Variants in FILIP1 observed in about 807,000 individuals in gnomAD.
The protein encoded by FILIP1 is filamin-A-interacting protein 1.
Under a neutral mutation model 102.1 loss-of-function variants are expected in FILIP1, and 61 were observed. That is an observed-to-expected ratio of 0.60 (90% CI 0.49 to 0.74). FILIP1 has a LOEUF of 0.74. Ranked by LOEUF, FILIP1 falls within the 30% of genes least tolerant of loss-of-function variation. The pLI is 0.00. For missense variants in FILIP1, 1,314 were observed against 1,441.2 expected (o/e 0.91, Z 1.43); for synonymous variants, 491 against 526.9 (o/e 0.93, Z 0.93).
In FILIP1 at chr6:75,353,620, AAC is replaced by A; in HGVS notation, c.546_547del (p.Glu182AspfsTer7). On this transcript the variant is annotated frameshift_variant, in exon 4 of 6. Coordinates refer to ENST00000237172, the MANE Select transcript of FILIP1 (RefSeq NM_015687.5). LOFTEE classifies it high-confidence loss of function. The stretch of plus-strand genomic sequence containing the variant: ...AGTGTGTTTATGCTTCTCGTTCTCT[AAC>A]TCGTATACGGTGCGCCTATGACACT... The A allele has an allele frequency of 6.2e-7, 1 of 1,614,194 alleles. No homozygotes were observed. Among genetic ancestry groups the A allele is most frequent in the Middle Eastern group, 1.6e-4 (1 of 6,062 alleles).
At chr6:75,445,385 A>G (rs868396742) in intron 1 of FILIP1, among the ~76,000 whole-genome samples, 1 of 151,806 alleles carries the variant, frequency 6.6e-6, no homozygotes, top group African/African-American at 2.4e-5. Flanking sequence ...TTCCCTAAAC[A>G]CACCACCCTT....
At position 75,362,766 on chromosome 6, in the gene FILIP1, A is replaced by G; in HGVS notation, c.428T>C (p.Val143Ala). Residue 143 changes from valine (V) to alanine (A), a missense_variant, in exon 3 of 6, where the codon GTC (valine) becomes GCC (alanine). Val to Ala is a moderately conservative substitution (Grantham distance 64, BLOSUM62 0). Coordinates refer to ENST00000237172, the MANE Select transcript of FILIP1 (RefSeq NM_015687.5). ...LAQEKSIGEDVYEKPISELDR... is the reference protein window; with the variant it reads ...LAQEKSIGEDAYEKPISELDR... The stretch of plus-strand genomic sequence containing the variant: ...TACCTCTGAAATCGGTTTCTCATAG[A>G]CATCTTCTCCTATGGATTTCTCCTG... 6.2e-7 allele frequency: 1 copy of G among 1,613,330 alleles called. No homozygotes were observed. The highest frequency in any genetic ancestry group is 1.1e-5 in the South Asian group (1 of 91,032).
intron 1 of FILIP1, among the ~76,000 whole-genome samples, chr6:75,473,100 G>A (rs951429940): frequency 1.4e-4 from 21 of 152,128 alleles, no homozygotes; most frequent in Admixed American, 9.2e-4. Flanking sequence ...ATGAAACCAG[G>A]TCTGGCTACT....
chr6:75,493,066 C>G (rs1283631066), intron 1 of FILIP1, among the ~76,000 whole-genome samples: 1 of 152,168 alleles, frequency 6.6e-6, no homozygotes, highest in Non-Finnish European at 1.5e-5. Flanking sequence ...GGGGAGATAT[C>G]CTTTTCATTG....
chr6:75,345,827 T>C (rs1774562550), intron 4 of FILIP1, among the ~76,000 whole-genome samples: 1 of 152,168 alleles, frequency 6.6e-6, no homozygotes, highest in Non-Finnish European at 1.5e-5. Context: ...TGTGTCCATG[T>C]CCTTAAACCT....
At chr6:75,438,547 A>T (rs114507806) in intron 1 of FILIP1, among the ~76,000 whole-genome samples, 7 of 152,168 alleles carry the variant, frequency 4.6e-5, no homozygotes. Context: ...AAAAACTATC[A>T]AATTCACTCT....
At chr6:75,342,800 C>G (rs1490340226) in intron 4 of FILIP1, among the ~76,000 whole-genome samples, 2 of 152,234 alleles carry the variant, frequency 1.3e-5, no homozygotes, top group Admixed American at 1.3e-4. Flanking sequence ...GCTATTTCCA[C>G]AGCCTTTCAA....
rs150195822 is a variant in FILIP1 at position 75,399,661 on chromosome 6, G to A, written c.276+15036C>T. 3.5e-4 allele frequency among the ~76,000 whole-genome samples: 54 copies of A among 152,214 alleles called. No individual in the cohort carries two copies. The East Asian group carries it at 9.1e-3, about 26-fold the overall frequency. Reference sequence around the variant, plus strand: ...CACCTTACAAGGAGGTGCCCTTAACGGAGTTTACTTAAACCCTCTGGGCTT... The same window carrying A: ...CACCTTACAAGGAGGTGCCCTTAACAGAGTTTACTTAAACCCTCTGGGCTT... On this transcript the variant is annotated intron_variant, in intron 2 of 5. Coordinates refer to ENST00000237172, the MANE Select transcript of FILIP1 (RefSeq NM_015687.5).
intron 2 of FILIP1, among the ~76,000 whole-genome samples, chr6:75,411,173 G>A (rs1777055073): frequency 6.6e-6 from 1 of 152,218 alleles, no homozygotes; most frequent in Non-Finnish European, 1.5e-5. Flanking sequence ...AATGACCAGT[G>A]ATGATGAGCT....
intron 1 of FILIP1, among the ~76,000 whole-genome samples, chr6:75,462,941 G>A (rs1343517420): frequency 1.3e-5 from 2 of 152,134 alleles, no homozygotes; most frequent in African/African-American, 4.8e-5. Flanking sequence ...TGGGAAGAGG[G>A]GTCAAAGACT....
intron 1 of FILIP1, among the ~76,000 whole-genome samples, chr6:75,476,333 T>C (rs1330116072): frequency 6.6e-6 from 1 of 152,030 alleles, no homozygotes; most frequent in Non-Finnish European, 1.5e-5. Context: ...TCCTAATTTG[T>C]CATTCAGTTT....
Position 75,483,690 on chromosome 6 carries a change from T to C in FILIP1, c.-7+9724A>G, listed in dbSNP as rs947380236. On this transcript the variant is annotated intron_variant, in intron 1 of 5. Coordinates refer to ENST00000237172, the MANE Select transcript of FILIP1 (RefSeq NM_015687.5). Reference sequence around the variant, plus strand: ...TCTCTAGTCAAACAGAAAGCCCAGTTAGCAGGAACTAAGGTCACCATAACC... The same window carrying C: ...TCTCTAGTCAAACAGAAAGCCCAGTCAGCAGGAACTAAGGTCACCATAACC... 2.0e-5 allele frequency among the ~76,000 whole-genome samples: 3 copies of C among 152,106 alleles called. No individual in the cohort carries two copies. The South Asian group carries it at 6.2e-4, about 32-fold the overall frequency.
At chr6:75,326,261 T>C (rs193019250) in intron 4 of FILIP1, among the ~76,000 whole-genome samples, 1 of 152,134 alleles carries the variant, frequency 6.6e-6, no homozygotes, top group Admixed American at 6.5e-5. Context: ...GAAAACCAAA[T>C]ATCATATGTT....
chr6:75,361,906 T>C (rs1775184375), intron 3 of FILIP1: 1 of 152,268 alleles, frequency 6.6e-6, no homozygotes, highest in African/African-American at 2.4e-5. Context: ...TTGAAAATTA[T>C]GGGACCATCA....
rs1003501520 is a variant in FILIP1, at chr6:75,471,109, G to C, written c.-7+22305C>G. On this transcript the variant is annotated intron_variant, in intron 1 of 5. Coordinates refer to ENST00000237172, the MANE Select transcript of FILIP1 (RefSeq NM_015687.5). ...CGGGAGGTGGAGGTTGCAGTGAACG[G>C]AGATCACACCACTGCACTCCAACCT... Among the ~76,000 whole-genome samples the C allele has an allele frequency of 2.7e-5, 4 of 146,874 alleles. No individual in the cohort carries two copies. In the Admixed American group the frequency reaches 2.8e-4, roughly 10 times the overall value.
downstream of FILIP1, among the ~76,000 whole-genome samples, chr6:75,306,483 G>T (rs1772990165): frequency 6.6e-6 from 1 of 152,134 alleles, no homozygotes; most frequent in Non-Finnish European, 1.5e-5. Flanking sequence ...AATACAATAC[G>T]TTATGGTACA....
chr6:75,359,227 A>T (rs1264973541), intron 3 of FILIP1, among the ~76,000 whole-genome samples: 2 of 151,782 alleles, frequency 1.3e-5, no homozygotes, highest in African/African-American at 2.4e-5. Flanking sequence ...GCTGGTCTCG[A>T]ACTCCTGACC....
intron 4 of FILIP1, among the ~76,000 whole-genome samples, chr6:75,328,319 A>C (rs1388290474): frequency 6.6e-6 from 1 of 152,192 alleles, no homozygotes; most frequent in African/African-American, 2.4e-5. Context: ...TTGTGAATGA[A>C]ATTATGTATC....
chr6:75,449,339 G>T (rs758279847), intron 1 of FILIP1, among the ~76,000 whole-genome samples: 8 of 152,044 alleles, frequency 5.3e-5, no homozygotes, highest in Non-Finnish European at 1.2e-4. Context: ...AAGGATGGGA[G>T]GGCAGTGAGA....
Sources: allele counts gnomAD v4.1 joint callset (sites outside exome capture counted in the v4.1 genomes callset), GRCh38; gene constraint gnomAD v4.1.1; transcripts MANE v1.5; gene names NCBI Gene and HGNC (gene_info 2026-07-23, HGNC 2026-07-21).